Variants in AKT3 observed in about 807,000 individuals in gnomAD.
AKT3 encodes the protein RAC-gamma serine/threonine-protein kinase.
A neutral mutation model predicts 65.3 loss-of-function variants in AKT3; 15 were observed. The observed-to-expected ratio is 0.23, with a 90% CI of 0.15 to 0.35. AKT3 has a LOEUF of 0.35. Among genes scored for constraint, AKT3 ranks in the 10% least tolerant of loss-of-function variants. The pLI is 1.00. For missense variants in AKT3, 243 were observed against 576.5 expected, an observed-to-expected ratio of 0.42 and a Z score of 5.92; for synonymous variants, 206 against 183.8, an observed-to-expected ratio of 1.12 and a Z score of -0.98.
intron 2 of AKT3, among the ~76,000 whole-genome samples, chr1:243,699,512 T>TATATATATATATATAA (rs1253293936): frequency 7.9e-6 from 1 of 126,626 alleles, no homozygotes; most frequent in African/African-American, 3.3e-5. Flanking sequence ...TATATATATA[T>TATATATATATATATAA]AATCTTCATG....
rs2147812266 is a variant in AKT3, at chr1:243,637,667, C to T, written c.505G>A (p.Ala169Thr). The change falls in exon 6 of 14, where the codon GCA (alanine) becomes ACA (threonine). Residue 169 changes from alanine (A) to threonine (T), a missense_variant. Physicochemically the swap from Ala to Thr is moderately conservative, Grantham distance 58. This residue lies in a region of AKT3 where 61 missense variants were observed against 163.3 expected (regional missense o/e 0.37). Transcript: ENST00000673466. ...FGKVILVREKASGKYYAMKIL... is the reference protein window; with the variant it reads ...FGKVILVREKTSGKYYAMKIL... ...TTCATAGCATAGTATTTTCCACTTG[C>T]CTTCTCTCGAACCAAAATAACTTTC... is the stretch of plus-strand genomic sequence containing the variant. 1 of 1,608,006 alleles carries T rather than the reference C, an allele frequency of 6.2e-7. No homozygotes were observed. Among genetic ancestry groups the T allele is most frequent in the Non-Finnish European group, 8.5e-7 (1 of 1,175,466 alleles).
intron 3 of AKT3, among the ~76,000 whole-genome samples, chr1:243,686,916 C>G (rs1342832397): frequency 6.6e-6 from 1 of 151,530 alleles, no homozygotes. Flanking sequence ...CCACCCACCT[C>G]AGCCTCCCAA....
At chr1:243,699,028 G>A (rs1685245885) in intron 2 of AKT3, among the ~76,000 whole-genome samples, 1 of 152,084 alleles carries the variant, frequency 6.6e-6, no homozygotes, top group Admixed American at 6.6e-5. Flanking sequence ...CAGAAGTTGA[G>A]GCAGTGTGAG....
At chr1:243,537,614 G>A (rs909529203) in intron 12 of AKT3, among the ~76,000 whole-genome samples, 2 of 152,070 alleles carry the variant, frequency 1.3e-5, no homozygotes, top group African/African-American at 4.8e-5. Flanking sequence ...CCTTTTCCAG[G>A]CTCTTCTCCA....
intron 6 of AKT3, among the ~76,000 whole-genome samples, chr1:243,623,865 G>C (rs1016075863): frequency 6.6e-6 from 1 of 152,186 alleles, no homozygotes; most frequent in Non-Finnish European, 1.5e-5. Flanking sequence ...GATTGTGTCT[G>C]TCTCTCTGGA....
chr1:243,514,466 C>T (rs185238517), intron 12 of AKT3, among the ~76,000 whole-genome samples: 30 of 152,340 alleles, frequency 2.0e-4, no homozygotes, highest in Admixed American at 1.8e-3. Context: ...CTCCCCCTCA[C>T]TTTCTATCTT....
At chr1:243,728,256 A>C (rs944468372) in intron 2 of AKT3, among the ~76,000 whole-genome samples, 3 of 152,046 alleles carry the variant, frequency 2.0e-5, no homozygotes, top group Non-Finnish European at 4.4e-5. Context: ...ATTTTAATCA[A>C]ACACACACAC....
At chr1:243,716,928 C>T (rs1309201501) in intron 2 of AKT3, among the ~76,000 whole-genome samples, 1 of 152,174 alleles carries the variant, frequency 6.6e-6, no homozygotes, top group Non-Finnish European at 1.5e-5. Context: ...CCAAAGAATA[C>T]AGGTAGCCCT....
chr1:243,596,740 G>T (rs1166836054), intron 8 of AKT3, among the ~76,000 whole-genome samples: 1 of 152,106 alleles, frequency 6.6e-6, no homozygotes, highest in African/African-American at 2.4e-5. Context: ...AAAGAGAAAA[G>T]AAACAGGCCT....
chr1:243,830,412 C>T (rs1447885033), intron 2 of AKT3, among the ~76,000 whole-genome samples: 3 of 152,084 alleles, frequency 2.0e-5, no homozygotes, highest in African/African-American at 7.2e-5. Context: ...GGCTGCAAAC[C>T]GTGTCTTATA....
chr1:243,739,215 G>A (rs888349560), intron 2 of AKT3, among the ~76,000 whole-genome samples: 1 of 152,082 alleles, frequency 6.6e-6, no homozygotes, highest in African/African-American at 2.4e-5. Context: ...CAAAAAGAAA[G>A]AGTAAAATTT....
In AKT3 at chr1:243,677,464, A is replaced by C. The variant is rs540240421; in HGVS notation, c.173-12581T>G. On this transcript the variant is annotated intron_variant, in intron 3 of 13. Transcript: ENST00000673466. ...AGCTTCAGGAAACATTTCAGAAACA[A>C]TATAATTTCTCACAACTTATTTTTT... Among the ~76,000 whole-genome samples, 369 of 152,270 alleles carry C rather than the reference A, an allele frequency of 2.4e-3. 2 individuals carry two copies. The highest frequency in any genetic ancestry group is 8.7e-3 in the African/African-American group (362 of 41,566).
At chr1:243,778,580 A>G (rs922229644) in intron 2 of AKT3, among the ~76,000 whole-genome samples, 4 of 152,214 alleles carry the variant, frequency 2.6e-5, no homozygotes, top group African/African-American at 9.6e-5. Flanking sequence ...TGTGTTAAGA[A>G]TACTGTGCTG....
At chr1:243,635,107 TA>T (rs1291843831) in intron 6 of AKT3, among the ~76,000 whole-genome samples, 1 of 151,860 alleles carries the variant, frequency 6.6e-6, no homozygotes, top group African/African-American at 2.4e-5. Context: ...AAAAGACAAA[TA>T]CAAAGTATCT....
chr1:243,796,539 C>A (rs758312599), intron 2 of AKT3, among the ~76,000 whole-genome samples: 2 of 152,168 alleles, frequency 1.3e-5, no homozygotes. Context: ...TAAAATAATA[C>A]GGCCAATGTA....
At chr1:243,566,065 G>C (rs964137945) in intron 9 of AKT3, among the ~76,000 whole-genome samples, 1 of 152,210 alleles carries the variant, frequency 6.6e-6, no homozygotes, top group Admixed American at 6.5e-5. Context: ...GTATGCATGG[G>C]AAAGTCTTCA....
chr1:243,654,207 C>T (rs958480673), intron 4 of AKT3, among the ~76,000 whole-genome samples: 1 of 152,082 alleles, frequency 6.6e-6, no homozygotes, highest in Non-Finnish European at 1.5e-5. Flanking sequence ...AATGTCCATA[C>T]TTTTAACTCT....
chr1:243,746,848 CCTGTGTTTTACCT>C (rs1367909225), intron 2 of AKT3, among the ~76,000 whole-genome samples: 1 of 151,710 alleles, frequency 6.6e-6, no homozygotes, highest in Non-Finnish European at 1.5e-5. Context: ...AATTTTCAGC[CCTGTGTTTTACCT>C]CTGGAGAATT....
chr1:243,791,287 CT>C (rs11296250), intron 2 of AKT3, among the ~76,000 whole-genome samples: 122,616 of 147,970 alleles, frequency 0.83, 50,830 homozygotes, highest in Middle Eastern at 0.87. Context: ...CGTAACCATT[CT>C]TTTTTTTTTT....
Sources: allele counts gnomAD v4.1 joint callset (sites outside exome capture counted in the v4.1 genomes callset), GRCh38; gene constraint gnomAD v4.1.1; regional missense constraint gnomAD v4.1.1; transcripts MANE v1.5; gene names NCBI Gene and HGNC (gene_info 2026-07-23, HGNC 2026-07-21).